RAPGEF5: variants seen among roughly 807,000 people sequenced by gnomAD.
RAPGEF5 encodes the protein M-Ras-regulated GEF.
RAPGEF5 carries 65 observed loss-of-function variants against 125.2 expected under a neutral mutation model. That is an observed-to-expected ratio of 0.52 (90% CI 0.43 to 0.64). The LOEUF (loss-of-function observed/expected upper bound fraction) is 0.64, where lower values mean the gene tolerates loss of function less well. Among genes scored for constraint, RAPGEF5 ranks in the 30% least tolerant of loss-of-function variants. The pLI is 0.00. For synonymous variants in RAPGEF5, 391 were observed against 385.9 expected (o/e 1.01, Z -0.16); for missense variants, 958 against 1,048.1 (o/e 0.91, Z 1.19).
At chr7:22,207,105 T>C (rs970730165) in intron 9 of RAPGEF5, among the ~76,000 whole-genome samples, 1 of 152,196 alleles carries the variant, frequency 6.6e-6, no homozygotes, top group Non-Finnish European at 1.5e-5. Context: ...ACCATCAACC[T>C]GACAAAGATA....
chr7:22,274,525 T>C (rs1467106615), intron 6 of RAPGEF5, among the ~76,000 whole-genome samples: 3 of 152,080 alleles, frequency 2.0e-5, no homozygotes, highest in Admixed American at 2.0e-4. Context: ...AGATGACATC[T>C]TGTTATGTTG....
intron 6 of RAPGEF5, among the ~76,000 whole-genome samples, chr7:22,274,906 G>C (rs1042146058): frequency 7.2e-5 from 11 of 152,138 alleles, no homozygotes; most frequent in African/African-American, 2.4e-4. Flanking sequence ...CACTATGACA[G>C]AGTCCAATGT....
chr7:22,181,383 T>C (rs1175713124), intron 11 of RAPGEF5, among the ~76,000 whole-genome samples: 2 of 152,188 alleles, frequency 1.3e-5, no homozygotes, highest in Non-Finnish European at 2.9e-5. Flanking sequence ...GTTTTTAGAC[T>C]GAGAATTTAG....
chr7:22,265,093 C>G (rs1782250740), intron 7 of RAPGEF5, among the ~76,000 whole-genome samples: 1 of 152,110 alleles, frequency 6.6e-6, no homozygotes, highest in South Asian at 2.1e-4. Flanking sequence ...TATCCATCAC[C>G]TCAAACATAT....
intron 17 of RAPGEF5, among the ~76,000 whole-genome samples, chr7:22,151,366 G>A (rs891361007): frequency 6.7e-6 from 1 of 149,436 alleles, no homozygotes; most frequent in African/African-American, 2.5e-5. Flanking sequence ...CTACCAAATT[G>A]TTTTCTGATT....
rs544021226 is a variant in RAPGEF5 at position 22,178,838 on chromosome 7, G to A, written c.1205-11690C>T. 1.2e-4 allele frequency among the ~76,000 whole-genome samples: 18 copies of A among 152,216 alleles called. No individual in the cohort carries two copies. In the South Asian group the frequency reaches 3.1e-3, roughly 26 times the overall value. The stretch of plus-strand genomic sequence containing the variant: ...CTCCATCTCCCTCCCCTCCCCAGAC[G>A]TTGAGGGCTGGGACCAAAAGCTCTA... On this transcript the variant is annotated intron_variant, in intron 11 of 25. Transcript: ENST00000665637.
chr7:22,286,462 A>C (rs1782799489), intron 6 of RAPGEF5, among the ~76,000 whole-genome samples: 1 of 152,218 alleles, frequency 6.6e-6, no homozygotes, highest in Admixed American at 6.5e-5. Context: ...TATTTCTACA[A>C]TTTCCAACAT....
intron 5 of RAPGEF5, among the ~76,000 whole-genome samples, chr7:22,296,871 C>T (rs529293564): frequency 2.0e-5 from 3 of 152,152 alleles, no homozygotes; most frequent in Non-Finnish European, 4.4e-5. Context: ...GGAAAAACTG[C>T]TTCCAGGACA....
In RAPGEF5 at chr7:22,150,424, C is replaced by A. The variant is rs777120464; in HGVS notation, c.1867G>T (p.Asp623Tyr). 1.9e-6 allele frequency: 3 copies of A among 1,605,368 alleles called. No homozygotes were observed. Among genetic ancestry groups the A allele is most frequent in the Non-Finnish European group, 2.5e-6 (3 of 1,176,994 alleles). Residue 623 changes from aspartate to tyrosine, a missense_variant, in exon 18 of 26, where the codon GAC becomes TAC. Coordinates refer to ENST00000665637, the MANE Select transcript of RAPGEF5 (RefSeq NM_012294.5). The part of the protein sequence containing the change: ...ASGRIYVYRK[D>Y]LADTLNPFAE... ...GTCCTTACCAAAGTGTCCGCCAGGTCTTTCCGGTAGACATATATTCGACCA... is the reference window on the plus strand; with the variant it reads ...GTCCTTACCAAAGTGTCCGCCAGGTATTTCCGGTAGACATATATTCGACCA...
intron 11 of RAPGEF5, chr7:22,192,853 C>A (rs1785037478): frequency 6.1e-6 from 1 of 162,610 alleles, no homozygotes; most frequent in South Asian, 1.7e-4. Flanking sequence ...TCATAGTCTG[C>A]ACCTCGGGGC....
intron 7 of RAPGEF5, among the ~76,000 whole-genome samples, chr7:22,251,077 G>C (rs955157989): frequency 2.0e-5 from 3 of 152,004 alleles, no homozygotes; most frequent in Admixed American, 6.6e-5. Context: ...GAATATTTTA[G>C]TATATAAGAG....
intron 11 of RAPGEF5, among the ~76,000 whole-genome samples, chr7:22,175,250 T>C (rs917242656): frequency 6.6e-6 from 1 of 152,212 alleles, no homozygotes; most frequent in African/African-American, 2.4e-5. Flanking sequence ...GGATTTGTTA[T>C]GTGGACAGTC....
At chr7:22,144,244 T>C (rs772428330) in intron 20 of RAPGEF5, among the ~76,000 whole-genome samples, 4 of 152,240 alleles carry the variant, frequency 2.6e-5, no homozygotes, top group Non-Finnish European at 2.9e-5. Flanking sequence ...TGATAAGAAA[T>C]AGCCCCTGTT....
intron 7 of RAPGEF5, among the ~76,000 whole-genome samples, chr7:22,238,316 T>C (rs1245173706): frequency 6.6e-6 from 1 of 152,252 alleles, no homozygotes; most frequent in Admixed American, 6.5e-5. Flanking sequence ...TTAGGAATTT[T>C]TCTGATACTT....
intron 7 of RAPGEF5, among the ~76,000 whole-genome samples, chr7:22,253,035 T>A (rs1021668881): frequency 1.3e-5 from 2 of 151,848 alleles, no homozygotes; most frequent in Admixed American, 1.3e-4. Context: ...AGACAGGACG[T>A]GAATATACAA....
In RAPGEF5 at chr7:22,119,074, C is replaced by T. The variant is rs531915058; in HGVS notation, c.*3332G>A. The T allele has an allele frequency of 9.8e-5, 15 of 152,316 alleles. No homozygotes were observed. The highest frequency in any genetic ancestry group is 7.8e-4 in the Admixed American group (12 of 15,300). 9.4% of individuals were successfully genotyped at this position (152,316 alleles called of 1,614,324 possible). A position where few individuals can be genotyped will look rare whatever the true frequency, so the allele number is the denominator to read the frequency against. On this transcript the variant is annotated 3_prime_UTR_variant, in exon 26 of 26. Coordinates refer to ENST00000665637, the MANE Select transcript of RAPGEF5 (RefSeq NM_012294.5). This position sits in a 1 kb window ranked among gnomAD's most constrained non-coding sequence, Gnocchi z 4.1. ...TTCTGAAAAGCCTGGATTGGCTGCG[C>T]CATTTAGGAACATTCAGTTCCGGAT...
At chr7:22,284,950 T>G (rs1782762256) in intron 6 of RAPGEF5, among the ~76,000 whole-genome samples, 1 of 152,192 alleles carries the variant, frequency 6.6e-6, no homozygotes, top group Non-Finnish European at 1.5e-5. Context: ...AATAAACCCA[T>G]CATAAATTAA....
At chr7:22,283,440 C>G (rs1360630037) in intron 6 of RAPGEF5, among the ~76,000 whole-genome samples, 1 of 152,148 alleles carries the variant, frequency 6.6e-6, no homozygotes, top group Non-Finnish European at 1.5e-5. Context: ...TCCTGGTTCT[C>G]CTCTATATAT....
At chr7:22,308,099 T>G (rs1443282806) in intron 5 of RAPGEF5, among the ~76,000 whole-genome samples, 1 of 152,224 alleles carries the variant, frequency 6.6e-6, no homozygotes, top group Non-Finnish European at 1.5e-5. Flanking sequence ...AATGATAATT[T>G]AGAAACCACA....
Sources: gnomAD v4.1 joint callset for allele counts (sites outside exome capture counted in the v4.1 genomes callset) on GRCh38, gnomAD v4.1.1 for gene constraint, Gnocchi (gnomAD v3.1) non-coding constraint, MANE v1.5 for transcripts, NCBI Gene and HGNC (gene_info 2026-07-23, HGNC 2026-07-21) for gene names.